Variants in LAMA5 observed in about 807,000 individuals in gnomAD.
LAMA5 encodes the protein laminin subunit alpha 5, also known as laminin subunit alpha-5.
LAMA5 carries 260 observed loss-of-function variants against 433.4 expected under a neutral mutation model. That is an observed-to-expected ratio of 0.60 (90% CI 0.54 to 0.66). The LOEUF (loss-of-function observed/expected upper bound fraction) is 0.66. Ranked by LOEUF, LAMA5 falls within the 30% of genes least tolerant of loss-of-function variation. The pLI is 0.00. For synonymous variants in LAMA5, 2,620 were observed against 2,226.6 expected (o/e 1.18, Z -4.97); for missense variants, 5,378 against 5,258.5 (o/e 1.02, Z -0.70).
At chr20:62,337,983 C>T (rs1245946203) in intron 14 of LAMA5, 33 bp downstream of exon 14, 2 of 1,595,480 alleles carry the variant, frequency 1.3e-6, no homozygotes, top group East Asian at 2.3e-5. Context: ...ATGTGGGTGG[C>T]AGAACCCCTT....
intron 2 of LAMA5, among the ~76,000 whole-genome samples, chr20:62,358,291 C>G (rs1050700008): frequency 6.6e-6 from 1 of 152,152 alleles, no homozygotes; most frequent in Non-Finnish European, 1.5e-5. Context: ...TATCCTGTGC[C>G]AGGGGAGGGG....
intron 48 of LAMA5, among the ~76,000 whole-genome samples, chr20:62,321,606 T>C (rs1393411949): frequency 1.7e-3 from 42 of 24,310 alleles, no homozygotes; most frequent in Non-Finnish European, 3.0e-3. Context: ...GGAGGTGGGG[T>C]CAGTGAAGGG....
chr20:62,334,087 C>A (rs1025006940), intron 22 of LAMA5, 48 bp from the exon 23 acceptor site: 1 of 1,593,840 alleles, frequency 6.3e-7, no homozygotes, highest in African/African-American at 1.3e-5. Context: ...CACTGCCAGC[C>A]TGAGGCCTGG....
At chr20:62,363,563 G>C (rs1015229630) in intron 1 of LAMA5, among the ~76,000 whole-genome samples, 1 of 152,088 alleles carries the variant, frequency 6.6e-6, no homozygotes, top group Admixed American at 6.5e-5. Context: ...AGGAGAGGGG[G>C]CAGAGCTGGG....
intron 4 of LAMA5, 28 bp downstream of exon 4, chr20:62,352,214 C>G (rs773350890): frequency 4.5e-6 from 7 of 1,572,414 alleles, no homozygotes; most frequent in Admixed American, 3.4e-5. Context: ...CTCCAGCCCC[C>G]GTACCGCCCT....
chr20:62,313,939 G>T (rs373753448), intron 62 of LAMA5, 137 bp from the exon 63 acceptor site: 1 of 902,314 alleles, frequency 1.1e-6, no homozygotes, highest in Non-Finnish European at 1.6e-6. Context: ...GAGGGGTGGC[G>T]AGTGGGCATG....
rs17750870 is a variant in LAMA5, at chr20:62,328,990, C to T, written c.4301G>A (p.Gly1434Glu). The T allele has an allele frequency of 6.2e-7, 1 of 1,612,610 alleles. No individual in the cohort carries two copies. The highest frequency in any genetic ancestry group is 2.2e-5 in the East Asian group (1 of 44,864). The change falls in exon 34 of 80, where the codon GGA becomes GAA. Residue 1434 changes from glycine (G) to glutamate (E), a missense_variant. Physicochemically the swap from Gly to Glu is moderately conservative, Grantham distance 98 (BLOSUM62 -2). Transcript: ENST00000252999. ...TTCGTGGCAGCCACATGGACGGGCT[C>T]CGTTGTTATAGAAGAGGGAGAGGGA... ...AASLSLFYNN[G>E]ARPCGCHEVG... is the part of the protein sequence containing the mutation.
At chr20:62,330,465 C>CA (rs1450038636) in intron 31 of LAMA5, 23 bp downstream of exon 31, 2 of 1,518,086 alleles carry the variant, frequency 1.3e-6, no homozygotes, top group Non-Finnish European at 1.8e-6. Flanking sequence ...GTAGCCTCTC[C>CA]ACCCCCCACA....
Position 62,318,979 on chromosome 20 carries a change from G to A in LAMA5, c.6906C>T (p.Ala2302=), listed in dbSNP as rs768942125. Reference sequence around the variant, plus strand: ...GCTCACCTGATGGAGCCGAGGCATTGGCCAGCCCCAGGTGGCCCGTCTGGG... The same window carrying A: ...GCTCACCTGATGGAGCCGAGGCATTAGCCAGCCCCAGGTGGCCCGTCTGGG... The part of the protein sequence containing the change: ...LMSQTGHLGL[A]NASAPSGEQL... Residue 2302 remains alanine, a synonymous_variant, in exon 52 of 80, where the codon GCC becomes GCT. Coordinates refer to ENST00000252999, the MANE Select transcript of LAMA5 (RefSeq NM_005560.6). 31 of 1,593,238 alleles carry A rather than the reference G, an allele frequency of 1.9e-5. No individual in the cohort carries two copies. Among genetic ancestry groups the A allele is most frequent in the Admixed American group, 5.3e-5 (3 of 57,124 alleles).
Position 62,336,409 on chromosome 20 carries a change from C to T in LAMA5, c.2254G>A (p.Gly752Arg). ...GGTTTGCAGCGGTCACAGCTCGGCCCCTCCACGTGAGCCCGGCACATACAG... is the reference window on the plus strand; with the variant it reads ...GGTTTGCAGCGGTCACAGCTCGGCCTCTCCACGTGAGCCCGGCACATACAG... ...VPCMCRAHVE[G>R]PSCDRCKPGF... Residue 752 changes from glycine to arginine, a missense_variant, in exon 18 of 80, where the codon GGG becomes AGG. Gly to Arg is a moderately radical substitution (Grantham distance 125). Coordinates refer to ENST00000252999, the MANE Select transcript of LAMA5 (RefSeq NM_005560.6). 1 of 1,612,608 alleles carries T rather than the reference C, an allele frequency of 6.2e-7. No individual in the cohort carries two copies. Among genetic ancestry groups the T allele is most frequent in the East Asian group, 2.2e-5 (1 of 44,878 alleles).
chr20:62,318,803 G>T, intron 52 of LAMA5, 40 bp downstream of exon 52: 2 of 1,601,886 alleles, frequency 1.2e-6, no homozygotes, highest in Non-Finnish European at 1.7e-6. Context: ...CCAGGTCCCT[G>T]CCTCTCCCCA....
rs1001245604 is a variant in LAMA5, at chr20:62,332,865, G to T, written c.3283-148C>A. The T allele has an allele frequency of 1.5e-5, 16 of 1,078,110 alleles. No homozygotes were observed. In the African/African-American group the frequency reaches 2.2e-4, roughly 15 times the overall value. The allele number at this position is 1,078,110 out of a possible 1,614,324, so 66.8% of individuals were successfully genotyped here. A position where few individuals can be genotyped will look rare whatever the true frequency, so the allele number is the denominator to read the frequency against. On this transcript the variant is annotated intron_variant, in intron 26 of 79. Transcript: ENST00000252999. ...GGACATCTCCAGGCAAGTGGTGGGGGCTGAGCTGTATGTGGAGGCCACAGC... is the reference window on the plus strand; with the variant it reads ...GGACATCTCCAGGCAAGTGGTGGGGTCTGAGCTGTATGTGGAGGCCACAGC...
At position 62,352,867 on chromosome 20, in the gene LAMA5, G is replaced by A. The variant is rs367602333; in HGVS notation, c.568+267C>T. ...CCCTTTTGTCACCACGGGAGCTGCC[G>A]GTGCATGAAGCCATCCAGAGGCAGC... On this transcript the variant is annotated intron_variant, in intron 3 of 79. Coordinates refer to ENST00000252999, the MANE Select transcript of LAMA5 (RefSeq NM_005560.6). 6.2e-4 allele frequency: 274 copies of A among 439,794 alleles called. 6 individuals are homozygous for A. The Middle Eastern group carries it at 8.4e-3, about 13-fold the overall frequency. The allele number at this position is 439,794 out of a possible 1,614,324, so 27.2% of individuals were successfully genotyped here. A position where few individuals can be genotyped will look rare whatever the true frequency, so the allele number is the denominator to read the frequency against.
In LAMA5 at chr20:62,346,121, G is replaced by A. The variant is rs758672661; in HGVS notation, c.1377C>T (p.Asp459=). 1.9e-6 allele frequency: 3 copies of A among 1,613,038 alleles called. No homozygotes were observed. Among genetic ancestry groups the A allele is most frequent in the African/African-American group, 1.3e-5 (1 of 75,060 alleles). The part of the protein sequence containing the change: ...CRPNFSGERC[D]VCAEGFTGFP... ...AGCCCGTGAAGCCCTCGGCACACAC[G>A]TCACACCGCTCCCCAGAGAAGTTGG... The change falls in exon 10 of 80, where the codon GAC becomes GAT. Residue 459 remains aspartate (D), a synonymous_variant. Transcript: ENST00000252999.
chr20:62,309,942 G>C lies in LAMA5; in HGVS notation c.10828+46C>G, dbSNP rs749955295. The C allele has an allele frequency of 1.9e-6, 3 of 1,606,058 alleles. No homozygotes were observed. In the East Asian group the frequency reaches 6.7e-5, roughly 36 times the overall value. The stretch of plus-strand genomic sequence containing the variant: ...AGTCCCGCCTGGCTCCCGCTCTGCA[G>C]AAGGGTGGGGGTGGCAGAGTGCCCT... On this transcript the variant is annotated intron_variant, in intron 78 of 79. Transcript: ENST00000252999.
Position 62,315,040 on chromosome 20 carries a change from C to A in LAMA5, c.8035G>T (p.Ala2679Ser). ...GQDLGQAVLD[A>S]GHSVSTLEKT... ...GCCATGGGCGCACCTGAGTGGCCTG[C>A]GTCAAGCACTGCCTGGCCCAGGTCC... Residue 2679 changes from alanine to serine, a missense_variant, in exon 59 of 80, where the codon GCA becomes TCA. Transcript: ENST00000252999. 6.3e-7 allele frequency: 1 copy of A among 1,593,550 alleles called. No individual in the cohort carries two copies. Among genetic ancestry groups the A allele is most frequent in the Non-Finnish European group, 8.5e-7 (1 of 1,176,176 alleles).
Position 62,317,714 on chromosome 20 carries a change from T to A in LAMA5, c.7304A>T (p.Asp2435Val). 6.2e-7 allele frequency: 1 copy of A among 1,605,866 alleles called. No homozygotes were observed. The highest frequency in any genetic ancestry group is 2.2e-5 in the East Asian group (1 of 44,524). ...TLQATLHAAR[D>V]TLASVFRLLH... is the part of the protein sequence containing the mutation. ...CAATCTGAAGACGCTGGCCAGGGTGTCCCTAGCCGCATGCAGAGTGGCCTG... is the reference window on the plus strand; with the variant it reads ...CAATCTGAAGACGCTGGCCAGGGTGACCCTAGCCGCATGCAGAGTGGCCTG... Residue 2435 changes from aspartate (D) to valine (V), a missense_variant, in exon 54 of 80, where the codon GAC (aspartate) becomes GTC (valine). By Grantham distance (152) the Asp-to-Val change is radical. Transcript: ENST00000252999.
At position 62,313,434 on chromosome 20, in the gene LAMA5, G is replaced by T. The variant is rs1221401029; in HGVS notation, c.8685C>A (p.Gly2895=). 6.2e-7 allele frequency: 1 copy of T among 1,610,252 alleles called. No individual in the cohort carries two copies. The highest frequency in any genetic ancestry group is 1.1e-5 in the South Asian group (1 of 90,540). ...TGTCCATCTCGATGCAGCCCCGGTAGCCGGGGAAGCGAAGCAGGGGAGGGG... is the reference window on the plus strand; with the variant it reads ...TGTCCATCTCGATGCAGCCCCGGTATCCGGGGAAGCGAAGCAGGGGAGGGG... ...FTPPPLLRFP[G]YRGCIEMDTL... Residue 2895 remains glycine, a synonymous_variant, in exon 64 of 80, where the codon GGC becomes GGA. Coordinates refer to ENST00000252999, the MANE Select transcript of LAMA5 (RefSeq NM_005560.6).
chr20:62,319,053 A>G (rs1190606586), intron 51 of LAMA5, 40 bp from the exon 52 acceptor site: 1 of 1,484,450 alleles, frequency 6.7e-7, no homozygotes, highest in East Asian at 2.4e-5. Context: ...GGCCGCCCGT[A>G]CTAGTGCACC....
Sources: gnomAD v4.1 joint callset for allele counts (sites outside exome capture counted in the v4.1 genomes callset) on GRCh38, gnomAD v4.1.1 for gene constraint, MANE v1.5 for transcripts, NCBI Gene and HGNC (gene_info 2026-07-23, HGNC 2026-07-21) for gene names.